The following SSBP2 variants were observed in gnomAD, a reference collection of about 807,000 sequenced individuals.
SSBP2 encodes single stranded DNA binding protein 2, also known as single-stranded DNA-binding protein 2.
Under a neutral mutation model 61.8 loss-of-function variants are expected in SSBP2, and 17 were observed. The observed-to-expected ratio is 0.28, with a 90% CI of 0.19 to 0.41. The LOEUF is 0.41. SSBP2 is among the 10% of genes least tolerant of loss of function. The pLI, the probability that SSBP2 is intolerant of heterozygous loss-of-function variation, is 1.00. For missense variants in SSBP2, 310 were observed against 458.7 expected (o/e 0.68, Z 2.96); for synonymous variants, 139 against 141.3 (o/e 0.98, Z 0.12).
chr5:81,506,096 C>T (rs1768160017), intron 5 of SSBP2, among the ~76,000 whole-genome samples: 2 of 152,068 alleles, frequency 1.3e-5, no homozygotes, highest in African/African-American at 2.4e-5. Context: ...AAACTATTAC[C>T]ACAACTGCAG....
intron 5 of SSBP2, among the ~76,000 whole-genome samples, chr5:81,497,961 T>G (rs1291661750): frequency 6.6e-6 from 1 of 152,174 alleles, no homozygotes; most frequent in East Asian, 1.9e-4. Flanking sequence ...TCACAAGAAC[T>G]GCTAACAATT....
intron 1 of SSBP2, among the ~76,000 whole-genome samples, chr5:81,693,568 T>C (rs1291413142): frequency 1.3e-5 from 2 of 152,202 alleles, no homozygotes; most frequent in Non-Finnish European, 1.5e-5. Flanking sequence ...CAAACAGGCA[T>C]ATGAAAAGGC....
intron 12 of SSBP2, among the ~76,000 whole-genome samples, chr5:81,444,956 C>T (rs1763277642): frequency 6.6e-6 from 1 of 150,574 alleles, no homozygotes; most frequent in African/African-American, 2.4e-5. Flanking sequence ...AACCCCGTCT[C>T]TACTAAAAAT....
intron 2 of SSBP2, among the ~76,000 whole-genome samples, chr5:81,638,375 A>G (rs1748446467): frequency 6.6e-6 from 1 of 151,880 alleles, no homozygotes. Context: ...TAAAAAATAA[A>G]AAGAGTAATT....
At chr5:81,751,570 G>T (rs59805425), upstream of SSBP2, 796 of 65,166 alleles carry the variant, frequency 0.012, 5 homozygotes, top group African/African-American at 0.072. Context: ...CGGGGCGCCC[G>T]CCGAGTCCAC....
At chr5:81,658,869 C>T (rs1349276269) in intron 1 of SSBP2, among the ~76,000 whole-genome samples, 2 of 152,270 alleles carry the variant, frequency 1.3e-5, no homozygotes, top group African/African-American at 4.8e-5. Flanking sequence ...TCAATAAATG[C>T]AAATCAATAA....
intron 11 of SSBP2, 75 bp downstream of exon 11, chr5:81,448,715 T>A (rs1763567008): frequency 1.4e-6 from 2 of 1,470,004 alleles, no homozygotes; most frequent in Admixed American, 1.7e-5. Flanking sequence ...CTTCTTAACA[T>A]CTGGACAACT....
Position 81,566,509 on chromosome 5 carries a change from T to C in SSBP2, c.282+48964A>G, listed in dbSNP as rs183114740. ...TTGCCTTCTGCCATGATTGTGAGGC[T>C]TCCCCAGCTACGTGTAAGTCCAATT... On this transcript the variant is annotated intron_variant, in intron 4 of 16. Transcript: ENST00000320672. 3.0e-3 allele frequency among the ~76,000 whole-genome samples: 452 copies of C among 152,316 alleles called. 2 individuals carry two copies. Among genetic ancestry groups the C allele is most frequent in the African/African-American group, 0.011 (443 of 41,564 alleles).
At position 81,568,365 on chromosome 5, in the gene SSBP2, C is replaced by T. The variant is rs142615952; in HGVS notation, c.282+47108G>A. 5.2e-3 allele frequency among the ~76,000 whole-genome samples: 792 copies of T among 152,262 alleles called. 6 individuals carry two copies. Among genetic ancestry groups the T allele is most frequent in the African/African-American group, 0.018 (741 of 41,554 alleles). On this transcript the variant is annotated intron_variant, in intron 4 of 16. Coordinates refer to ENST00000320672, the MANE Select transcript of SSBP2 (RefSeq NM_012446.5). ...TTCCTCATTCTCTCTTTGCCTGCTGCCATCCATGTAAGATGAGACTTGCCT... is the reference window on the plus strand; with the variant it reads ...TTCCTCATTCTCTCTTTGCCTGCTGTCATCCATGTAAGATGAGACTTGCCT...
chr5:81,724,160 A>C (rs1431985007), intron 1 of SSBP2, among the ~76,000 whole-genome samples: 1 of 152,102 alleles, frequency 6.6e-6, no homozygotes, highest in East Asian at 1.9e-4. Flanking sequence ...ACTTTAGAGT[A>C]AGTGTGTTGA....
intron 5 of SSBP2, among the ~76,000 whole-genome samples, chr5:81,497,238 T>C (rs866055923): frequency 2.0e-5 from 3 of 152,174 alleles, no homozygotes; most frequent in African/African-American, 7.2e-5. Context: ...GGGTAGAGAA[T>C]GGTGGTAAAT....
At chr5:81,639,453 C>T (rs1212598411) in intron 2 of SSBP2, among the ~76,000 whole-genome samples, 1 of 151,918 alleles carries the variant, frequency 6.6e-6, no homozygotes, top group Non-Finnish European at 1.5e-5. Context: ...GAAATTACAC[C>T]TCAGTAAGGA....
chr5:81,498,555 TAATA>T (rs1205606509), intron 5 of SSBP2, among the ~76,000 whole-genome samples: 1 of 152,084 alleles, frequency 6.6e-6, no homozygotes, highest in Non-Finnish European at 1.5e-5. Flanking sequence ...TCTGCAAAAG[TAATA>T]AAAATACATT....
intron 6 of SSBP2, among the ~76,000 whole-genome samples, chr5:81,483,768 C>T (rs769862785): frequency 6.6e-6 from 1 of 151,680 alleles, no homozygotes; most frequent in African/African-American, 2.4e-5. Flanking sequence ...TATATATACA[C>T]ACACACACAC....
intron 4 of SSBP2, among the ~76,000 whole-genome samples, chr5:81,529,209 G>A (rs1770201555): frequency 6.6e-6 from 1 of 151,934 alleles, no homozygotes; most frequent in Non-Finnish European, 1.5e-5. Context: ...CACAGCTATG[G>A]GGTAAAATCA....
intron 10 of SSBP2, among the ~76,000 whole-genome samples, chr5:81,460,679 T>C (rs1486531182): frequency 6.6e-6 from 1 of 152,198 alleles, no homozygotes; most frequent in African/African-American, 2.4e-5. Context: ...TTTGGCTTCT[T>C]CTAACAGGTT....
intron 4 of SSBP2, among the ~76,000 whole-genome samples, chr5:81,581,586 G>A (rs750992912): frequency 6.6e-6 from 1 of 152,156 alleles, no homozygotes. Flanking sequence ...TTTGCTGGGA[G>A]AATCTATCAG....
chr5:81,711,681 CA>C (rs2153936576), intron 1 of SSBP2, among the ~76,000 whole-genome samples: 1 of 145,130 alleles, frequency 6.9e-6, no homozygotes, highest in Admixed American at 7.3e-5. Flanking sequence ...CAAAATTGAT[CA>C]CTCTACATGA....
At chr5:81,461,760 T>G (rs760065379) in intron 9 of SSBP2, among the ~76,000 whole-genome samples, 2 of 152,188 alleles carry the variant, frequency 1.3e-5, no homozygotes, top group South Asian at 2.1e-4. Flanking sequence ...AGATAATCTA[T>G]GCCAATATAT....
Sources: allele counts gnomAD v4.1 joint callset (sites outside exome capture counted in the v4.1 genomes callset), GRCh38; gene constraint gnomAD v4.1.1; transcripts MANE v1.5; gene names NCBI Gene and HGNC (gene_info 2026-07-23, HGNC 2026-07-21).